The following KMT5B variants were observed in gnomAD, a reference collection of about 807,000 sequenced individuals.
KMT5B encodes the protein lysine methyltransferase 5B, also known as histone-lysine N-methyltransferase KMT5B.
KMT5B carries 10 observed loss-of-function variants against 83.2 expected under a neutral mutation model. The observed-to-expected ratio is 0.12, with a 90% CI of 0.07 to 0.20. KMT5B has a LOEUF of 0.20. Among genes scored for constraint, KMT5B ranks in the 10% least tolerant of loss-of-function variants. The probability of loss-of-function intolerance (pLI) is 1.00; values close to 1 mark genes in which losing one functional copy is unlikely to be tolerated. For synonymous variants in KMT5B, 349 were observed against 388.8 expected (o/e 0.90, Z 1.20); for missense variants, 753 against 1,067.2 (o/e 0.71, Z 4.10).
At chr11:68,163,682 C>A in intron 10 of KMT5B, among the ~76,000 whole-genome samples, 1 of 152,204 alleles carries the variant, frequency 6.6e-6, no homozygotes, top group East Asian at 1.9e-4. Context: ...TCTGACAGGA[C>A]TTTAAAGACC....
chr11:68,162,342 C>T (rs1854938938), intron 10 of KMT5B, among the ~76,000 whole-genome samples: 1 of 152,192 alleles, frequency 6.6e-6, no homozygotes, highest in Non-Finnish European at 1.5e-5. Context: ...TTCTTCTTAG[C>T]CTGTACTCGC....
At chr11:68,200,429 G>C (rs1015516842) in intron 1 of KMT5B, among the ~76,000 whole-genome samples, 1 of 152,228 alleles carries the variant, frequency 6.6e-6, no homozygotes, top group Non-Finnish European at 1.5e-5. Flanking sequence ...GGCTATTGCT[G>C]ATCTGTGAGC....
At chr11:68,161,770 A>T (rs1854889941) in intron 10 of KMT5B, among the ~76,000 whole-genome samples, 1 of 151,972 alleles carries the variant, frequency 6.6e-6, no homozygotes. Flanking sequence ...TCGGCCCCTT[A>T]GACTGTTCTT....
intron 1 of KMT5B, among the ~76,000 whole-genome samples, chr11:68,190,611 G>A (rs1857928627): frequency 6.6e-6 from 1 of 152,150 alleles, no homozygotes; most frequent in South Asian, 2.1e-4. Flanking sequence ...TGAAGCTAAT[G>A]TTTGTGACCT....
At chr11:68,167,600 G>A (rs1590943289) in intron 9 of KMT5B, among the ~76,000 whole-genome samples, 1 of 151,864 alleles carries the variant, frequency 6.6e-6, no homozygotes, top group Non-Finnish European at 1.5e-5. Flanking sequence ...GACCATAAGC[G>A]TGTAGCACCA....
chr11:68,197,264 C>T (rs1451463491), intron 1 of KMT5B, among the ~76,000 whole-genome samples: 6 of 152,140 alleles, frequency 3.9e-5, no homozygotes, highest in Non-Finnish European at 5.9e-5. Flanking sequence ...TGAGCCACCA[C>T]GCCCGGCCAT....
chr11:68,167,245 A>T, intron 9 of KMT5B, 67 bp from the exon 10 acceptor site: 1 of 1,525,062 alleles, frequency 6.6e-7, no homozygotes, highest in South Asian at 1.2e-5. Flanking sequence ...TTAACTGCTG[A>T]GGGTACTTGG....
At chr11:68,212,379 T>C (rs967101596) in intron 1 of KMT5B, among the ~76,000 whole-genome samples, 111 of 152,210 alleles carry the variant, frequency 7.3e-4, no homozygotes, top group African/African-American at 2.4e-3. Flanking sequence ...AGAACACATG[T>C]TCACCTCCCC....
At chr11:68,204,648 C>T (rs1000887732) in intron 1 of KMT5B, among the ~76,000 whole-genome samples, 1 of 125,238 alleles carries the variant, frequency 8.0e-6, no homozygotes, top group Admixed American at 1.0e-4. Context: ...CACAGAGTCT[C>T]ACATGTTGCC....
intron 2 of KMT5B, 92 bp downstream of exon 2, chr11:68,189,825 A>G: frequency 7.7e-7 from 1 of 1,297,246 alleles, no homozygotes; most frequent in African/African-American, 1.5e-5. Flanking sequence ...AAATTATTTA[A>G]GACAAAAGAA....
chr11:68,207,602 C>T (rs566276310), intron 1 of KMT5B, among the ~76,000 whole-genome samples: 3 of 151,914 alleles, frequency 2.0e-5, no homozygotes, highest in South Asian at 4.2e-4. Context: ...ACCAGCCTGG[C>T]GAACATAGTG....
At chr11:68,186,117 G>A (rs11228153) in intron 2 of KMT5B, among the ~76,000 whole-genome samples, 189 bp from the exon 3 acceptor site, 12,007 of 152,206 alleles carry the variant, frequency 0.079, 601 homozygotes, top group East Asian at 0.23. Flanking sequence ...CTCCATTACT[G>A]AGAGTATTAT....
chr11:68,186,622 G>C (rs1565241702), intron 2 of KMT5B, among the ~76,000 whole-genome samples: 3 of 152,198 alleles, frequency 2.0e-5, no homozygotes. Context: ...GGGTTTAACT[G>C]TGGAAGAAAA....
chr11:68,184,401 A>T (rs1857234649), intron 3 of KMT5B, among the ~76,000 whole-genome samples: 1 of 152,202 alleles, frequency 6.6e-6, no homozygotes, highest in African/African-American at 2.4e-5. Flanking sequence ...ATTTATGAAA[A>T]AAACAAAAGC....
chr11:68,201,850 C>T (rs1288235403), intron 1 of KMT5B, among the ~76,000 whole-genome samples: 1 of 148,908 alleles, frequency 6.7e-6, no homozygotes, highest in African/African-American at 2.5e-5. Context: ...GAGGCCGAAG[C>T]AGGTGGATTC....
chr11:68,205,170 T>C (rs1256344218), intron 1 of KMT5B, among the ~76,000 whole-genome samples: 1 of 149,232 alleles, frequency 6.7e-6, no homozygotes, highest in Non-Finnish European at 1.5e-5. Context: ...AAAAAACAAG[T>C]AGCCAGTTGT....
At chr11:68,164,290 C>T (rs1233734582) in intron 10 of KMT5B, among the ~76,000 whole-genome samples, 1 of 152,186 alleles carries the variant, frequency 6.6e-6, no homozygotes, top group African/African-American at 2.4e-5. Flanking sequence ...AAAGCAGTTC[C>T]TCTGTCAGCT....
intron 10 of KMT5B, among the ~76,000 whole-genome samples, chr11:68,161,901 G>A (rs1462406181): frequency 1.3e-5 from 2 of 152,130 alleles, no homozygotes; most frequent in Non-Finnish European, 2.9e-5. Context: ...TACAGAACCA[G>A]GTCACCAAAT....
intron 6 of KMT5B, among the ~76,000 whole-genome samples, chr11:68,173,453 T>C (rs949098499): frequency 6.6e-6 from 1 of 152,182 alleles, no homozygotes; most frequent in Non-Finnish European, 1.5e-5. Flanking sequence ...ACTAGGATCA[T>C]TAAAACTTTA....
Sources: allele counts gnomAD v4.1 joint callset (sites outside exome capture counted in the v4.1 genomes callset), GRCh38; gene constraint gnomAD v4.1.1; transcripts MANE v1.5; gene names NCBI Gene and HGNC (gene_info 2026-07-23, HGNC 2026-07-21).